The following TMEM132D variants were observed in gnomAD, a reference collection of about 807,000 sequenced individuals.
TMEM132D encodes transmembrane protein 132D.
TMEM132D carries 21 observed loss-of-function variants against 62.3 expected under a neutral mutation model. That is an observed-to-expected ratio of 0.34 (90% CI 0.24 to 0.49). The LOEUF (loss-of-function observed/expected upper bound fraction) is 0.49. TMEM132D is among the 20% of genes least tolerant of loss of function. The pLI, the probability that TMEM132D is intolerant of heterozygous loss-of-function variation, is 0.99. For missense variants in TMEM132D, 1,346 were observed against 1,402.8 expected (o/e 0.96, Z 0.65); for synonymous variants, 621 against 575.6 (o/e 1.08, Z -1.13).
intron 5 of TMEM132D, among the ~76,000 whole-genome samples, chr12:129,098,003 A>T (rs59898933): frequency 0.03 from 4,590 of 152,330 alleles, 286 homozygotes; most frequent in East Asian, 0.17. Context: ...GATGATATCT[A>T]GAATTTCTCC....
chr12:129,617,972 G>A (rs747188426), intron 2 of TMEM132D, among the ~76,000 whole-genome samples: 7 of 152,156 alleles, frequency 4.6e-5, no homozygotes, highest in Non-Finnish European at 7.3e-5. Context: ...CTGGTACCTC[G>A]TAGCTCTGTG....
chr12:129,451,675 G>A (rs1009097091), intron 3 of TMEM132D, among the ~76,000 whole-genome samples: 7 of 152,178 alleles, frequency 4.6e-5, no homozygotes, highest in African/African-American at 1.2e-4. Context: ...CCAAATTGAC[G>A]TTATTCTCAT....
intron 2 of TMEM132D, among the ~76,000 whole-genome samples, chr12:129,636,025 G>T (rs960403700): frequency 3.3e-5 from 5 of 152,246 alleles, no homozygotes; most frequent in Non-Finnish European, 7.3e-5. Flanking sequence ...ATTACCTAAA[G>T]AGCTGGAATC....
intron 2 of TMEM132D, among the ~76,000 whole-genome samples, chr12:129,652,018 A>G (rs567814044): frequency 1.3e-5 from 2 of 152,320 alleles, no homozygotes; most frequent in South Asian, 2.1e-4. Flanking sequence ...TGACACTCCA[A>G]ATCATTTACC....
chr12:129,813,234 G>A (rs1303787601), intron 1 of TMEM132D, among the ~76,000 whole-genome samples: 1 of 151,646 alleles, frequency 6.6e-6, no homozygotes, highest in Non-Finnish European at 1.5e-5. Flanking sequence ...CATCTTGTTG[G>A]TGGACGTTGC....
intron 4 of TMEM132D, among the ~76,000 whole-genome samples, chr12:129,257,236 T>G (rs1880430871): frequency 7.0e-6 from 1 of 143,358 alleles, no homozygotes. Context: ...AGATAGAGTC[T>G]CACTCTGTCG....
At chr12:129,524,927 C>CTTT (rs372985812) in intron 3 of TMEM132D, among the ~76,000 whole-genome samples, 1 of 85,952 alleles carries the variant, frequency 1.2e-5, no homozygotes, top group African/African-American at 4.2e-5. Flanking sequence ...TTTCTTTTTT[C>CTTT]TTTTTTTTTT....
At chr12:129,581,543 G>A (rs1030428019) in intron 2 of TMEM132D, among the ~76,000 whole-genome samples, 3 of 152,172 alleles carry the variant, frequency 2.0e-5, no homozygotes, top group Non-Finnish European at 4.4e-5. Context: ...TACTAGTGTA[G>A]GTCCAAGAGT....
intron 4 of TMEM132D, among the ~76,000 whole-genome samples, chr12:129,228,605 A>G (rs1879547235): frequency 1.3e-5 from 2 of 152,134 alleles, no homozygotes; most frequent in Admixed American, 1.3e-4. Flanking sequence ...CCTGAATCGA[A>G]TCATGTGATG....
At chr12:129,364,043 C>G (rs1449137411) in intron 3 of TMEM132D, among the ~76,000 whole-genome samples, 1 of 152,208 alleles carries the variant, frequency 6.6e-6, no homozygotes, top group African/African-American at 2.4e-5. Flanking sequence ...TTAACCTTAA[C>G]AGTTCATGTC....
At chr12:129,865,151 A>T (rs1042035175) in intron 1 of TMEM132D, among the ~76,000 whole-genome samples, 1 of 152,238 alleles carries the variant, frequency 6.6e-6, no homozygotes, top group Admixed American at 6.5e-5. Flanking sequence ...CCCTGTGAGC[A>T]GGCTGGGTGG....
chr12:129,327,446 A>G (rs1328370661), intron 4 of TMEM132D, among the ~76,000 whole-genome samples: 1 of 152,240 alleles, frequency 6.6e-6, no homozygotes, highest in African/African-American at 2.4e-5. Flanking sequence ...TTAGAAATTC[A>G]GTTACTCAGT....
rs1446802838 is a variant in TMEM132D, at chr12:129,903,471, G to C, written c.-132C>G. ...GCCCGGCTAGGGGCCCGAGCAGCCCGGGCGCCCTGCTCCCTCTTCCCGCCA... is the reference window on the plus strand; with the variant it reads ...GCCCGGCTAGGGGCCCGAGCAGCCCCGGCGCCCTGCTCCCTCTTCCCGCCA... On this transcript the variant is annotated 5_prime_UTR_variant, in exon 1 of 9. Transcript: ENST00000422113. The surrounding 1 kb of genome is among the most constrained non-coding windows in gnomAD (Gnocchi z 6.2). 2.2e-6 allele frequency: 2 copies of C among 923,772 alleles called. No homozygotes were observed. The highest frequency in any genetic ancestry group is 3.3e-6 in the Non-Finnish European group (2 of 612,712). 57.2% of individuals were successfully genotyped at this position (923,772 alleles called of 1,614,324 possible). A position where few individuals can be genotyped will look rare whatever the true frequency, so the allele number is the denominator to read the frequency against.
At chr12:129,541,460 G>A (rs974504107) in intron 2 of TMEM132D, among the ~76,000 whole-genome samples, 1 of 152,170 alleles carries the variant, frequency 6.6e-6, no homozygotes, top group Non-Finnish European at 1.5e-5. Flanking sequence ...TGGAAAAACA[G>A]AACTTTGATA....
intron 2 of TMEM132D, among the ~76,000 whole-genome samples, chr12:129,667,872 A>G (rs1880413700): frequency 6.6e-6 from 1 of 152,174 alleles, no homozygotes; most frequent in Admixed American, 6.5e-5. Flanking sequence ...AGTCTATGTT[A>G]TCAGTAATAA....
At chr12:129,186,772 G>A (rs1381437925) in intron 5 of TMEM132D, among the ~76,000 whole-genome samples, 1 of 152,204 alleles carries the variant, frequency 6.6e-6, no homozygotes, top group Non-Finnish European at 1.5e-5. Flanking sequence ...ATTTAGCATT[G>A]TAATCATTCT....
At chr12:129,603,632 C>A (rs1012400309) in intron 2 of TMEM132D, among the ~76,000 whole-genome samples, 1 of 152,162 alleles carries the variant, frequency 6.6e-6, no homozygotes, top group African/African-American at 2.4e-5. Context: ...CTATCTCACA[C>A]CAGTTAGAAT....
intron 4 of TMEM132D, among the ~76,000 whole-genome samples, chr12:129,311,877 T>C (rs980695099): frequency 6.6e-6 from 1 of 151,906 alleles, no homozygotes; most frequent in Non-Finnish European, 1.5e-5. Flanking sequence ...AAGGAGTCAG[T>C]TTTAGGAGAT....
At chr12:129,224,318 G>A (rs377651294) in intron 4 of TMEM132D, among the ~76,000 whole-genome samples, 2 of 152,086 alleles carry the variant, frequency 1.3e-5, no homozygotes, top group African/African-American at 2.4e-5. Context: ...CTTCTGTTCC[G>A]ATGAATATGT....
Sources: gnomAD v4.1 joint callset for allele counts (sites outside exome capture counted in the v4.1 genomes callset) on GRCh38, gnomAD v4.1.1 for gene constraint, Gnocchi (gnomAD v3.1) non-coding constraint, MANE v1.5 for transcripts, NCBI Gene and HGNC (gene_info 2026-07-23, HGNC 2026-07-21) for gene names.